The following PRKG1 variants were observed in gnomAD, a reference collection of about 807,000 sequenced individuals.
PRKG1 encodes cGMP-dependent protein kinase 1.
PRKG1 carries 35 observed loss-of-function variants against 88.1 expected under a neutral mutation model. The observed-to-expected ratio is 0.40, with a 90% CI of 0.30 to 0.53. The LOEUF is 0.53. PRKG1 is among the 20% of genes least tolerant of loss of function. PRKG1 has a pLI of 0.59. For synonymous variants in PRKG1, 303 were observed against 292.5 expected, an observed-to-expected ratio of 1.04 and a Z score of -0.37; for missense variants, 540 against 839.8, an observed-to-expected ratio of 0.64 and a Z score of 4.41.
chr10:52,067,009 G>GT (rs1056061800), intron 7 of PRKG1, among the ~76,000 whole-genome samples: 26 of 151,836 alleles, frequency 1.7e-4, no homozygotes, highest in Non-Finnish European at 3.2e-4. Context: ...CTGTGTCTAG[G>GT]TTTTTTTAAT....
chr10:51,941,146 A>G (rs1444280880), intron 5 of PRKG1, among the ~76,000 whole-genome samples: 2 of 152,030 alleles, frequency 1.3e-5, no homozygotes, highest in African/African-American at 4.8e-5. Context: ...GAAATTTAGT[A>G]CATAGCATAT....
chr10:51,092,348 C>T (rs1397864764), intron 1 of PRKG1, among the ~76,000 whole-genome samples: 1 of 152,188 alleles, frequency 6.6e-6, no homozygotes, highest in African/African-American at 2.4e-5. Context: ...AATTAAACCT[C>T]TCTTTTGAAT....
rs370229143 is a variant in PRKG1, at chr10:52,133,782, G to A, written c.936-58G>A. 2.5e-5 allele frequency: 35 copies of A among 1,391,962 alleles called. No homozygotes were observed. In the African/African-American group the frequency reaches 4.0e-4, roughly 16 times the overall value. The allele number at this position is 1,391,962 out of a possible 1,614,324, so 86.2% of individuals were successfully genotyped here. A position where few individuals can be genotyped will look rare whatever the true frequency, so the allele number is the denominator to read the frequency against. On this transcript the variant is annotated intron_variant, in intron 7 of 17. Transcript: ENST00000373980. ...ATTTTTTCCTGAATTAATCACAATG[G>A]ACACTGTGCTTTGATATTAAAGGTT...
chr10:52,136,806 C>T (rs944247241), intron 8 of PRKG1, among the ~76,000 whole-genome samples: 1 of 152,012 alleles, frequency 6.6e-6, no homozygotes, highest in Non-Finnish European at 1.5e-5. Context: ...AGCTGTGTTT[C>T]TCTCTACTCA....
chr10:51,491,127 G>T (rs536621800), intron 3 of PRKG1, among the ~76,000 whole-genome samples: 19 of 152,070 alleles, frequency 1.2e-4, no homozygotes, highest in African/African-American at 4.6e-4. Context: ...GTATAATAGG[G>T]TCATTAAGTC....
chr10:51,756,484 CAA>C (rs55967411), intron 3 of PRKG1, among the ~76,000 whole-genome samples: 18 of 107,930 alleles, frequency 1.7e-4, no homozygotes, highest in Admixed American at 2.0e-4. Context: ...GAGACTGTCT[CAA>C]AAAAAAAAAA....
intron 1 of PRKG1, among the ~76,000 whole-genome samples, chr10:51,087,172 CTTTTTTTTCTTCA>C (rs1037039607): frequency 2.0e-5 from 3 of 151,944 alleles, no homozygotes; most frequent in Non-Finnish European, 4.4e-5. Flanking sequence ...ATTAGGCTCA[CTTTTTTTTCTTCA>C]TTTTTTTTCT....
chr10:51,610,898 G>C lies in PRKG1; in HGVS notation c.592+143062G>C, dbSNP rs142667105. On this transcript the variant is annotated intron_variant, in intron 3 of 17. Coordinates refer to ENST00000373980, the MANE Select transcript of PRKG1 (RefSeq NM_006258.4). ...ACACACTGGGGCCTATCAGGGCTTG[G>C]GGGGAAAGGGGAGGGAGAGCATCAG... Among the ~76,000 whole-genome samples, 662 of 152,166 alleles carry C rather than the reference G, an allele frequency of 4.4e-3. 6 individuals are homozygous for C. The highest frequency in any genetic ancestry group is 0.013 in the African/African-American group (542 of 41,508).
intron 17 of PRKG1, 127 bp from the exon 18 acceptor site, chr10:52,293,675 C>T (rs1336898185): frequency 1.4e-6 from 1 of 709,246 alleles, no homozygotes; most frequent in African/African-American, 1.8e-5. Context: ...CCCTCAATAC[C>T]TGCTACATAG....
intron 7 of PRKG1, among the ~76,000 whole-genome samples, chr10:52,130,091 G>A (rs1008439966): frequency 6.6e-5 from 10 of 152,108 alleles, no homozygotes; most frequent in African/African-American, 2.4e-4. Flanking sequence ...GTTTAATGTT[G>A]TTCCCGACAT....
At chr10:51,997,994 A>G (rs1182540190) in intron 5 of PRKG1, among the ~76,000 whole-genome samples, 1 of 152,116 alleles carries the variant, frequency 6.6e-6, no homozygotes, top group East Asian at 1.9e-4. Context: ...AAAGCTTTCA[A>G]TGTTTGACCA....
At chr10:51,444,557 T>C (rs1009342733) in intron 2 of PRKG1, among the ~76,000 whole-genome samples, 1 of 151,892 alleles carries the variant, frequency 6.6e-6, no homozygotes, top group Admixed American at 6.6e-5. Context: ...CTTAGGATGG[T>C]AAAAGAAGAC....
chr10:52,128,821 A>T (rs1837174192), intron 7 of PRKG1, among the ~76,000 whole-genome samples: 1 of 152,194 alleles, frequency 6.6e-6, no homozygotes, highest in South Asian at 2.1e-4. Flanking sequence ...GCACAGAACT[A>T]GATAAGCGTG....
At chr10:52,069,348 T>A (rs1160960038) in intron 7 of PRKG1, among the ~76,000 whole-genome samples, 1 of 152,074 alleles carries the variant, frequency 6.6e-6, no homozygotes, top group Non-Finnish European at 1.5e-5. Context: ...CTGGCCAACA[T>A]GATGAAACAC....
chr10:51,358,940 G>A (rs1006563757), intron 2 of PRKG1, among the ~76,000 whole-genome samples: 8 of 149,934 alleles, frequency 5.3e-5, no homozygotes, highest in Admixed American at 4.0e-4. Flanking sequence ...TTATTGGGGG[G>A]GGGGGTGTGG....
At chr10:51,288,162 T>G (rs1417719064) in intron 2 of PRKG1, among the ~76,000 whole-genome samples, 1 of 151,978 alleles carries the variant, frequency 6.6e-6, no homozygotes, top group Non-Finnish European at 1.5e-5. Flanking sequence ...ATTATTATAC[T>G]TTAAGTTTTA....
intron 9 of PRKG1, among the ~76,000 whole-genome samples, chr10:52,166,561 G>A (rs1221970881): frequency 6.8e-6 from 1 of 146,512 alleles, no homozygotes; most frequent in African/African-American, 2.5e-5. Flanking sequence ...AGCCTCCCAA[G>A]TAGCTGGGAC....
chr10:51,454,131 C>T (rs1280925853), intron 2 of PRKG1, among the ~76,000 whole-genome samples: 3 of 151,970 alleles, frequency 2.0e-5, no homozygotes, highest in Admixed American at 6.6e-5. Flanking sequence ...CCATGCTCAT[C>T]GATGGGTAGA....
chr10:51,535,547 T>C, intron 3 of PRKG1, among the ~76,000 whole-genome samples: 1 of 152,180 alleles, frequency 6.6e-6, no homozygotes, highest in East Asian at 1.9e-4. Flanking sequence ...ATTTTTGTTA[T>C]AAGAAAGTCG....
Sources: allele counts gnomAD v4.1 joint callset (sites outside exome capture counted in the v4.1 genomes callset), GRCh38; gene constraint gnomAD v4.1.1; transcripts MANE v1.5; gene names NCBI Gene and HGNC (gene_info 2026-07-23, HGNC 2026-07-21).